MKNK1: variants seen among roughly 807,000 people sequenced by gnomAD.
The protein encoded by MKNK1 is MAPK interacting serine/threonine kinase 1, also known as MAP kinase-interacting serine/threonine-protein kinase 1.
Under a neutral mutation model 49.3 loss-of-function variants are expected in MKNK1, and 30 were observed. The observed-to-expected ratio is 0.61, with a 90% CI of 0.46 to 0.83. The LOEUF is 0.83. Among genes scored for constraint, MKNK1 ranks in the 40% least tolerant of loss-of-function variants. The pLI is 0.00. For synonymous variants in MKNK1, 176 were observed against 201.7 expected, an observed-to-expected ratio of 0.87 and a Z score of 1.08; for missense variants, 423 against 524.7, an observed-to-expected ratio of 0.81 and a Z score of 1.89.
In MKNK1 at chr1:46,588,807, C is replaced by CAA. The variant is rs35556956; in HGVS notation, c.-3+5304_-3+5305dup. On this transcript the variant is annotated intron_variant, in intron 2 of 12. Transcript: ENST00000371945. The stretch of plus-strand genomic sequence containing the variant: ...TGGGCGACAGAGCGAGACTCCGTCT[C>CAA]AAAAAAAAAAAAAAAAATGCTACTT... 1.3e-3 allele frequency among the ~76,000 whole-genome samples: 90 copies of CAA among 71,282 alleles called. 1 individual carries two copies. The highest frequency in any genetic ancestry group is 3.6e-3 in the African/African-American group (71 of 19,794). The allele number at this position is 71,282 out of a possible 152,430, so 46.8% of individuals were successfully genotyped here.
At position 46,562,755 on chromosome 1, in the gene MKNK1, C is replaced by T. The variant is rs1482846457; in HGVS notation, c.698G>A (p.Ser233Asn). The T allele has an allele frequency of 1.2e-6, 2 of 1,609,650 alleles. No homozygotes were observed. The highest frequency in any genetic ancestry group is 2.2e-5 in the South Asian group (2 of 90,086). ...CATGATGTAGAGGACCACGCCCAGG[C>T]TCCACAGGTCACAGCGCTTGTCGTA... ...TFYDKRCDLWSLGVVLYIMLS... is the reference protein window; with the variant it reads ...TFYDKRCDLWNLGVVLYIMLS... Residue 233 changes from serine to asparagine, a missense_variant, in exon 10 of 13, where the codon AGC (serine) becomes AAC (asparagine). Ser to Asn is a conservative substitution (Grantham distance 46, BLOSUM62 1). Coordinates refer to ENST00000371945, the MANE Select transcript of MKNK1 (RefSeq NM_001135553.4).
chr1:46,587,676 G>A (rs1013019748), intron 2 of MKNK1, among the ~76,000 whole-genome samples: 2 of 152,100 alleles, frequency 1.3e-5, no homozygotes, highest in African/African-American at 4.8e-5. Flanking sequence ...AATTAGCCAG[G>A]CATGGTGGTG....
At chr1:46,577,813 C>T (rs1671197315) in intron 4 of MKNK1, among the ~76,000 whole-genome samples, 1 of 152,234 alleles carries the variant, frequency 6.6e-6, no homozygotes, top group East Asian at 1.9e-4. Flanking sequence ...TCTCTGGACC[C>T]ATCTGGAGCC....
At position 46,558,600 on chromosome 1, in the gene MKNK1, T is replaced by C; in HGVS notation, c.1214A>G (p.Asp405Gly). Residue 405 changes from aspartate to glycine, a missense_variant, in exon 13 of 13, where the codon GAC (aspartate) becomes GGC (glycine). Asp to Gly is a moderately conservative substitution (Grantham distance 94). Transcript: ENST00000371945. The part of the protein sequence containing the change: ...RALAQAGRGE[D>G]RSPPTAL ...TCAGAGTGCTGTGGGCGGGCTCCTG[T>C]CTTCACCACGGCCTGCCTGGGCCAG... 1.2e-6 allele frequency: 2 copies of C among 1,612,962 alleles called. No individual in the cohort carries two copies. Among genetic ancestry groups the C allele is most frequent in the Middle Eastern group, 1.7e-4 (1 of 6,044 alleles).
Position 46,565,037 on chromosome 1 carries a change from G to A in MKNK1, c.609+4C>T, listed in dbSNP as rs180710838. On this transcript the variant is annotated splice_donor_region_variant and intron_variant, in intron 9 of 12. Coordinates refer to ENST00000371945, the MANE Select transcript of MKNK1 (RefSeq NM_001135553.4). ...ACTTAGGAGCCCAGAGGAAGCATAC[G>A]TACTGGGGTGGTCAGCTCTGGTGTG... The A allele has an allele frequency of 2.8e-4, 450 of 1,612,624 alleles. 1 individual carries two copies. Among genetic ancestry groups the A allele is most frequent in the Non-Finnish European group, 2.7e-4 (322 of 1,178,608 alleles).
At chr1:46,574,765 T>G in intron 6 of MKNK1, 182 bp downstream of exon 6, 1 of 568,854 alleles carries the variant, frequency 1.8e-6, no homozygotes, top group Non-Finnish European at 3.1e-6. Context: ...CATTCTAAGC[T>G]CTGCAAAATG....
intron 3 of MKNK1, chr1:46,582,967 C>G (rs1306290313): frequency 3.2e-6 from 2 of 631,432 alleles, no homozygotes; most frequent in Non-Finnish European, 2.9e-6. Flanking sequence ...ATAGATGGGT[C>G]TTCCTGCTCC....
At chr1:46,582,851 T>C (rs1671945121) in intron 3 of MKNK1, 1 of 473,356 alleles carries the variant, frequency 2.1e-6, no homozygotes, top group African/African-American at 2.0e-5. Context: ...TGGCCTTTGG[T>C]GTTTCTCTCT....
intron 4 of MKNK1, among the ~76,000 whole-genome samples, chr1:46,577,440 C>T (rs1190024381): frequency 6.6e-6 from 1 of 152,092 alleles, no homozygotes; most frequent in Non-Finnish European, 1.5e-5. Context: ...GAGATTGTGC[C>T]ATTGCACTCC....
intron 6 of MKNK1, chr1:46,574,146 A>G (rs1670612601): frequency 2.6e-5 from 4 of 152,228 alleles, no homozygotes; most frequent in Admixed American, 2.0e-4. Context: ...AGCATTTCAC[A>G]TGAATTATCT....
At chr1:46,568,822 C>A in intron 7 of MKNK1, 1 of 288,038 alleles carries the variant, frequency 3.5e-6, no homozygotes, top group Non-Finnish European at 6.5e-6. Context: ...GAGAGCTCTG[C>A]AAACGGCAAT....
intron 9 of MKNK1, chr1:46,563,070 A>AT: frequency 2.1e-6 from 1 of 482,982 alleles, no homozygotes; most frequent in South Asian, 3.7e-5. Flanking sequence ...AGGTCACCTT[A>AT]TCCTTCCAGT....
At position 46,596,853 on chromosome 1, in the gene MKNK1, G is replaced by A. The variant is rs117006889; in HGVS notation, c.-170-2573C>T. Among the ~76,000 whole-genome samples, 958 of 152,280 alleles carry A rather than the reference G, an allele frequency of 6.3e-3. 7 individuals are homozygous for A. The highest frequency in any genetic ancestry group is 0.032 in the Admixed American group (485 of 15,298). On this transcript the variant is annotated intron_variant, in intron 1 of 12. Transcript: ENST00000371945. ...GCCAATCTGTGAACCACAGTTGGCC[G>A]CAGGAGGGAATAAACTGACAGCAAA...
intron 1 of MKNK1, among the ~76,000 whole-genome samples, chr1:46,602,515 A>C (rs1422550619): frequency 1.3e-5 from 2 of 152,214 alleles, no homozygotes; most frequent in African/African-American, 4.8e-5. Flanking sequence ...TGTGGGAACA[A>C]ATTGTGCAGG....
chr1:46,570,551 G>A (rs1230674943), intron 7 of MKNK1, among the ~76,000 whole-genome samples: 1 of 152,190 alleles, frequency 6.6e-6, no homozygotes, highest in Non-Finnish European at 1.5e-5. Context: ...GCGCCACACT[G>A]GTCTGCACCG....
chr1:46,587,793 C>A lies in MKNK1; in HGVS notation c.-2-4464G>T, dbSNP rs113849820. Among the ~76,000 whole-genome samples the A allele has an allele frequency of 1.8e-3, 266 of 151,714 alleles. 1 individual carries two copies. The highest frequency in any genetic ancestry group is 6.1e-3 in the African/African-American group (251 of 41,350). On this transcript the variant is annotated intron_variant, in intron 2 of 12. Coordinates refer to ENST00000371945, the MANE Select transcript of MKNK1 (RefSeq NM_001135553.4). ...GATCGCACCATTGCACTCCAGCCTG[C>A]GCAACAAGAGTGAAACTCCGTCTCA...
chr1:46,560,259 G>A lies in MKNK1; in HGVS notation c.988C>T (p.Leu330Phe). ...WVQGQAPEKG[L>F]PTPQVLQRNS... ...CTCTGGAGGACTTGCGGCGTGGGGA[G>A]TCCCTTTTCTGGAGCTTGCTAGAAT... The change falls in exon 12 of 13, where the codon CTC (leucine) becomes TTC (phenylalanine). Residue 330 changes from leucine (L) to phenylalanine (F), a missense_variant. Coordinates refer to ENST00000371945, the MANE Select transcript of MKNK1 (RefSeq NM_001135553.4). The A allele has an allele frequency of 6.2e-7, 1 of 1,614,142 alleles. No homozygotes were observed. The highest frequency in any genetic ancestry group is 8.5e-7 in the Non-Finnish European group (1 of 1,180,000).
At position 46,578,000 on chromosome 1, in the gene MKNK1, T is replaced by G. The variant is rs961045054; in HGVS notation, c.199-1346A>C. Among the ~76,000 whole-genome samples the G allele has an allele frequency of 4.6e-5, 7 of 152,238 alleles. No homozygotes were observed. The South Asian group carries it at 1.0e-3, about 23-fold the overall frequency. On this transcript the variant is annotated intron_variant, in intron 4 of 12. Coordinates refer to ENST00000371945, the MANE Select transcript of MKNK1 (RefSeq NM_001135553.4). ...CCAACTGCAATTTTCTAAATAAGTGTGTCTGTTTGTAAACCACAGTGGGCC... is the reference window on the plus strand; with the variant it reads ...CCAACTGCAATTTTCTAAATAAGTGGGTCTGTTTGTAAACCACAGTGGGCC...
chr1:46,571,802 T>G (rs891601424), intron 7 of MKNK1, among the ~76,000 whole-genome samples: 1 of 152,182 alleles, frequency 6.6e-6, no homozygotes, highest in Admixed American at 6.5e-5. Context: ...ATGTGAAATT[T>G]ATTCTTTCTC....
Sources: gnomAD v4.1 joint callset for allele counts (sites outside exome capture counted in the v4.1 genomes callset) on GRCh38, gnomAD v4.1.1 for gene constraint, MANE v1.5 for transcripts, NCBI Gene and HGNC (gene_info 2026-07-23, HGNC 2026-07-21) for gene names.